PDE1A: variants seen among roughly 807,000 people sequenced by gnomAD.
The protein encoded by PDE1A is phosphodiesterase 1A.
A neutral mutation model predicts 61.7 loss-of-function variants in PDE1A; 35 were observed. The ratio of observed to expected loss-of-function variants is 0.57; its 90% CI spans 0.43 to 0.75. PDE1A has a LOEUF of 0.75. PDE1A is among the 30% of genes least tolerant of loss of function. The probability of loss-of-function intolerance (pLI) is 0.00; values close to 1 mark genes in which losing one functional copy is unlikely to be tolerated. For synonymous variants in PDE1A, 232 were observed against 213.2 expected (o/e 1.09, Z -0.77); for missense variants, 597 against 630.6 (o/e 0.95, Z 0.57).
At chr2:182,428,497 A>G (rs969428098), upstream of PDE1A, among the ~76,000 whole-genome samples, 5 of 152,136 alleles carry the variant, frequency 3.3e-5, no homozygotes, top group Non-Finnish European at 5.9e-5. Context: ...ATGTAGTGAC[A>G]TCTATGTCAC....
At chr2:182,345,059 G>A (rs199560717) in intron 1 of PDE1A, among the ~76,000 whole-genome samples, 3 of 152,110 alleles carry the variant, frequency 2.0e-5, no homozygotes, top group African/African-American at 7.2e-5. Context: ...GGGCTAAAAT[G>A]GGATGACTAT....
At chr2:182,204,299 C>T (rs1014150544) in intron 8 of PDE1A, among the ~76,000 whole-genome samples, 1 of 152,202 alleles carries the variant, frequency 6.6e-6, no homozygotes, top group African/African-American at 2.4e-5. Context: ...CATAGCCCAA[C>T]AGTGGTCTCT....
the PDE1A span, among the ~76,000 whole-genome samples, chr2:182,557,722 TAATAA>T: frequency 2.0e-5 from 3 of 151,722 alleles, no homozygotes; most frequent in East Asian, 1.9e-4. Flanking sequence ...AAAAAAATAA[TAATAA>T]AATAAAAATA....
At chr2:182,400,852 A>G (rs1430563319) in intron 1 of PDE1A, among the ~76,000 whole-genome samples, 2 of 152,184 alleles carry the variant, frequency 1.3e-5, no homozygotes, top group Non-Finnish European at 2.9e-5. Flanking sequence ...TTTCTTTCAT[A>G]AAGTTTAGTA....
chr2:182,557,269 T>C, the PDE1A span, among the ~76,000 whole-genome samples: 2 of 152,134 alleles, frequency 1.3e-5, no homozygotes, highest in South Asian at 4.1e-4. Flanking sequence ...AAGAATACAT[T>C]AAATTTTATG....
At chr2:182,491,787 T>C (rs1688411897) in intron 2 of PDE1A, among the ~76,000 whole-genome samples, 1 of 152,216 alleles carries the variant, frequency 6.6e-6, no homozygotes, top group Admixed American at 6.5e-5. Flanking sequence ...ACTATCATTC[T>C]CCTTATTGCT....
At chr2:182,476,737 T>C (rs1239932154) in intron 2 of PDE1A, among the ~76,000 whole-genome samples, 1 of 151,840 alleles carries the variant, frequency 6.6e-6, no homozygotes, top group Non-Finnish European at 1.5e-5. Context: ...ATCCATTTAT[T>C]TGAAAAGGAG....
intron 2 of PDE1A, among the ~76,000 whole-genome samples, chr2:182,496,727 C>T (rs1384842175): frequency 6.6e-6 from 1 of 152,228 alleles, no homozygotes; most frequent in African/African-American, 2.4e-5. Flanking sequence ...TAGCCACTGG[C>T]TCCATAGGTA....
chr2:182,397,836 G>A (rs1355573891), intron 1 of PDE1A, among the ~76,000 whole-genome samples: 3 of 152,070 alleles, frequency 2.0e-5, no homozygotes, highest in Non-Finnish European at 4.4e-5. Flanking sequence ...CTATCTACCT[G>A]ATTGAATGAA....
At chr2:182,338,507 A>G (rs1243716655) in intron 1 of PDE1A, among the ~76,000 whole-genome samples, 1 of 151,972 alleles carries the variant, frequency 6.6e-6, no homozygotes, top group Non-Finnish European at 1.5e-5. Context: ...TCCACTAAGC[A>G]TATGGTTTTA....
chr2:182,149,470 G>T (rs745583490), intron 13 of PDE1A, among the ~76,000 whole-genome samples: 1 of 152,188 alleles, frequency 6.6e-6, no homozygotes, highest in Non-Finnish European at 1.5e-5. Flanking sequence ...TAAGAGTTTC[G>T]TAGCACTGAA....
At chr2:182,412,993 G>T (rs1702705891) in intron 1 of PDE1A, among the ~76,000 whole-genome samples, 1 of 152,168 alleles carries the variant, frequency 6.6e-6, no homozygotes, top group African/African-American at 2.4e-5. Flanking sequence ...AGGACTTGAA[G>T]CATGGACGAG....
At chr2:182,262,980 T>A (rs1692334805) in intron 2 of PDE1A, among the ~76,000 whole-genome samples, 1 of 152,046 alleles carries the variant, frequency 6.6e-6, no homozygotes. Flanking sequence ...TGTGTGTGTG[T>A]GTGTGTGTGT....
chr2:182,466,530 T>C (rs995539447), intron 2 of PDE1A, among the ~76,000 whole-genome samples: 2 of 151,962 alleles, frequency 1.3e-5, no homozygotes, highest in Middle Eastern at 3.2e-3. Flanking sequence ...GTCCACGAAG[T>C]ATGTTGGCAA....
At chr2:182,588,823 C>A in the PDE1A span, among the ~76,000 whole-genome samples, 1 of 152,030 alleles carries the variant, frequency 6.6e-6, no homozygotes, top group Non-Finnish European at 1.5e-5. Context: ...GCAGGCGGAT[C>A]ACCCAAGGTC....
intron 7 of PDE1A, among the ~76,000 whole-genome samples, chr2:182,213,879 C>T (rs1471727721): frequency 1.7e-5 from 2 of 118,802 alleles, no homozygotes; most frequent in South Asian, 5.7e-4. Context: ...CCCAATCTAG[C>T]AAGGCAGGCC....
At chr2:182,359,544 A>G (rs1243295960) in intron 1 of PDE1A, among the ~76,000 whole-genome samples, 1 of 152,138 alleles carries the variant, frequency 6.6e-6, no homozygotes. Flanking sequence ...CAACTGTACT[A>G]ATGCATTTCC....
At chr2:182,268,499 CACA>C (rs1186224339) in intron 1 of PDE1A, among the ~76,000 whole-genome samples, 1 of 151,922 alleles carries the variant, frequency 6.6e-6, no homozygotes, top group African/African-American at 2.4e-5. Context: ...TGTGTGTGTG[CACA>C]ACAATACCTT....
At chr2:182,648,550 G>A in the PDE1A span, among the ~76,000 whole-genome samples, 4 of 134,274 alleles carry the variant, frequency 3.0e-5, no homozygotes. Context: ...AAAATTACCT[G>A]GATGTAGTGG....
Sources: allele counts gnomAD v4.1 joint callset (sites outside exome capture counted in the v4.1 genomes callset), GRCh38; gene constraint gnomAD v4.1.1; transcripts MANE v1.5; gene names NCBI Gene and HGNC (gene_info 2026-07-23, HGNC 2026-07-21).